EXOC6B: variants seen among roughly 807,000 people sequenced by gnomAD.
EXOC6B encodes SEC15 homolog B.
In EXOC6B, 54 loss-of-function variants were observed where a neutral mutation model predicts 113.5. The ratio of observed to expected loss-of-function variants is 0.48; its 90% CI spans 0.38 to 0.60. The LOEUF is 0.60. Ranked by LOEUF, EXOC6B falls within the 20% of genes least tolerant of loss-of-function variation. The pLI is 0.00. For synonymous variants in EXOC6B, 357 were observed against 339.0 expected, an observed-to-expected ratio of 1.05 and a Z score of -0.58; for missense variants, 797 against 977.5, an observed-to-expected ratio of 0.82 and a Z score of 2.46.
intron 1 of EXOC6B, among the ~76,000 whole-genome samples, chr2:72,823,847 T>C (rs1394237798): frequency 1.3e-5 from 2 of 152,230 alleles, no homozygotes; most frequent in Non-Finnish European, 2.9e-5. Flanking sequence ...TTGTCATTAT[T>C]ACCTAAACAA....
At chr2:72,546,854 G>A (rs1702936374) in intron 8 of EXOC6B, among the ~76,000 whole-genome samples, 1 of 152,222 alleles carries the variant, frequency 6.6e-6, no homozygotes, top group South Asian at 2.1e-4. Context: ...AGACAAGGTG[G>A]TAGAGAGTTC....
rs36020807 is a variant in EXOC6B, at chr2:72,194,597, C to CTG, written c.2197-10412_2197-10411dup. On this transcript the variant is annotated intron_variant, in intron 20 of 21. Transcript: ENST00000272427. Reference sequence around the variant, plus strand: ...TCTCTCTCTCTCTCTCTCTCTCTCTCTGTGTGTGTGTGTGCATATGTGTGT... The same window carrying CTG: ...TCTCTCTCTCTCTCTCTCTCTCTCTCTGTGTGTGTGTGTGTGCATATGTGTGT... 9.8e-3 allele frequency among the ~76,000 whole-genome samples: 1,446 copies of CTG among 147,368 alleles called. 12 individuals carry two copies. Among genetic ancestry groups the CTG allele is most frequent in the Non-Finnish European group, 0.014 (904 of 65,934 alleles).
intron 19 of EXOC6B, among the ~76,000 whole-genome samples, chr2:72,350,448 T>C (rs1025802521): frequency 2.6e-5 from 4 of 152,224 alleles, no homozygotes; most frequent in Non-Finnish European, 4.4e-5. Flanking sequence ...CAGTCTGTCA[T>C]TCTGCTTATA....
chr2:72,294,494 C>T (rs1409232349), intron 20 of EXOC6B, among the ~76,000 whole-genome samples: 1 of 152,108 alleles, frequency 6.6e-6, no homozygotes, highest in Non-Finnish European at 1.5e-5. Flanking sequence ...TTATGGGTTG[C>T]CCAGGCTGCG....
intron 8 of EXOC6B, among the ~76,000 whole-genome samples, chr2:72,550,955 G>A (rs1476315464): frequency 3.0e-5 from 4 of 134,840 alleles, no homozygotes; most frequent in African/African-American, 1.1e-4. Context: ...GTCTCACCCT[G>A]TTGCCCAGGC....
chr2:72,761,133 T>C (rs1682717357), intron 1 of EXOC6B, among the ~76,000 whole-genome samples: 1 of 152,106 alleles, frequency 6.6e-6, no homozygotes, highest in African/African-American at 2.4e-5. Flanking sequence ...TAAGCCGAGA[T>C]TGTGCCACTG....
chr2:72,729,452 C>T (rs1051387356), intron 5 of EXOC6B, among the ~76,000 whole-genome samples: 1 of 149,574 alleles, frequency 6.7e-6, no homozygotes, highest in African/African-American at 2.5e-5. Flanking sequence ...ACTCTGTCAC[C>T]CAGGCTGGAG....
chr2:72,489,398 A>C (rs2105529013), intron 16 of EXOC6B, among the ~76,000 whole-genome samples: 1 of 152,158 alleles, frequency 6.6e-6, no homozygotes, highest in Middle Eastern at 3.4e-3. Context: ...TCTTAATAGA[A>C]CCTCTTGTTC....
chr2:72,364,806 GT>G (rs1440367533), intron 19 of EXOC6B, among the ~76,000 whole-genome samples: 1 of 152,082 alleles, frequency 6.6e-6, no homozygotes, highest in Non-Finnish European at 1.5e-5. Context: ...CAATCTTGTA[GT>G]TGATCATTCG....
chr2:72,256,269 G>GAAATA (rs1221293496), intron 20 of EXOC6B, among the ~76,000 whole-genome samples: 1 of 152,174 alleles, frequency 6.6e-6, no homozygotes, highest in Non-Finnish European at 1.5e-5. Context: ...AGAACGGTTA[G>GAAATA]AAATAAAATT....
chr2:72,618,708 T>C (rs1671553788), intron 6 of EXOC6B, among the ~76,000 whole-genome samples: 1 of 152,244 alleles, frequency 6.6e-6, no homozygotes, highest in Non-Finnish European at 1.5e-5. Flanking sequence ...AAAAGATGGA[T>C]GTGGTACATG....
intron 20 of EXOC6B, among the ~76,000 whole-genome samples, chr2:72,275,951 C>G (rs912569865): frequency 2.0e-5 from 3 of 152,110 alleles, no homozygotes; most frequent in Admixed American, 2.0e-4. Flanking sequence ...ATATTTGTAA[C>G]AGGTTGCCCA....
chr2:72,691,235 C>T (rs1273553497), intron 6 of EXOC6B, among the ~76,000 whole-genome samples: 1 of 152,022 alleles, frequency 6.6e-6, no homozygotes, highest in Non-Finnish European at 1.5e-5. Flanking sequence ...TGGCAGCAAC[C>T]ATAAGCTAGG....
intron 1 of EXOC6B, among the ~76,000 whole-genome samples, chr2:72,743,943 C>T (rs750535032): frequency 1.5e-4 from 23 of 152,158 alleles, no homozygotes; most frequent in Admixed American, 5.2e-4. Flanking sequence ...TTTTAGTTAA[C>T]GATGGACCAC....
chr2:72,767,808 T>TAAAAAAAAAAAAA (rs34358568), intron 1 of EXOC6B, among the ~76,000 whole-genome samples: 272 of 12,684 alleles, frequency 0.021, 72 homozygotes, highest in African/African-American at 0.057. Flanking sequence ...GAGACCTTGT[T>TAAAAAAAAAAAAA]AAAAAAAAAA....
chr2:72,782,278 T>C (rs1684096146), intron 1 of EXOC6B, among the ~76,000 whole-genome samples: 1 of 152,140 alleles, frequency 6.6e-6, no homozygotes, highest in South Asian at 2.1e-4. Flanking sequence ...TATCTACAAA[T>C]CCAAATCCTA....
At chr2:72,227,091 TA>T (rs1681292329) in intron 20 of EXOC6B, among the ~76,000 whole-genome samples, 1 of 151,594 alleles carries the variant, frequency 6.6e-6, no homozygotes, top group Non-Finnish European at 1.5e-5. Flanking sequence ...GAGAAGCAAA[TA>T]AAAGGTATGA....
chr2:72,305,399 C>T (rs1686794343), intron 20 of EXOC6B, among the ~76,000 whole-genome samples: 1 of 139,278 alleles, frequency 7.2e-6, no homozygotes, highest in East Asian at 2.1e-4. Flanking sequence ...AGATTTTGGT[C>T]CTCACCAAAT....
chr2:72,368,668 A>G (rs923041330), intron 19 of EXOC6B, among the ~76,000 whole-genome samples: 13 of 152,186 alleles, frequency 8.5e-5, no homozygotes, highest in African/African-American at 1.9e-4. Flanking sequence ...TATCTACCAC[A>G]ATCAAGTGGG....
Sources: gnomAD v4.1 joint callset for allele counts (sites outside exome capture counted in the v4.1 genomes callset) on GRCh38, gnomAD v4.1.1 for gene constraint, MANE v1.5 for transcripts, NCBI Gene and HGNC (gene_info 2026-07-23, HGNC 2026-07-21) for gene names.